Variants in CATSPERB observed in about 807,000 individuals in gnomAD.
The protein encoded by CATSPERB is cation channel sperm-associated auxiliary subunit beta.
A neutral mutation model predicts 128.3 loss-of-function variants in CATSPERB; 93 were observed. The ratio of observed to expected loss-of-function variants is 0.72; its 90% CI spans 0.61 to 0.86. CATSPERB has a LOEUF of 0.86. Among genes scored for constraint, CATSPERB ranks in the 40% least tolerant of loss-of-function variants. The pLI is 0.00. For synonymous variants in CATSPERB, 381 were observed against 448.8 expected, an observed-to-expected ratio of 0.85 and a Z score of 1.91; for missense variants, 1,153 against 1,329.5, an observed-to-expected ratio of 0.87 and a Z score of 2.06.
chr14:91,597,043 C>G (rs1055073614), intron 22 of CATSPERB, among the ~76,000 whole-genome samples: 1 of 150,852 alleles, frequency 6.6e-6, no homozygotes, highest in Non-Finnish European at 1.5e-5. Flanking sequence ...CCCACCACCA[C>G]GCCCAGCTAA....
chr14:91,725,229 C>T, intron 2 of CATSPERB, 61 bp from the exon 3 acceptor site: 1 of 678,442 alleles, frequency 1.5e-6, no homozygotes, highest in Non-Finnish European at 2.2e-6. Flanking sequence ...ATAAAAAGTA[C>T]CATGTTTCTA....
chr14:91,621,533 A>C, intron 19 of CATSPERB, 75 bp downstream of exon 19: 2 of 1,195,798 alleles, frequency 1.7e-6, no homozygotes, highest in Non-Finnish European at 2.4e-6. Context: ...GTCAGTCAGT[A>C]TCAAAGAGTA....
chr14:91,639,002 G>C, intron 16 of CATSPERB, 94 bp downstream of exon 16: 1 of 1,160,706 alleles, frequency 8.6e-7, no homozygotes, highest in Admixed American at 2.2e-5. Flanking sequence ...TTGTCCCAAG[G>C]AAAATACTTT....
At chr14:91,705,903 T>C (rs1895724745) in intron 6 of CATSPERB, among the ~76,000 whole-genome samples, 1 of 152,168 alleles carries the variant, frequency 6.6e-6, no homozygotes, top group Non-Finnish European at 1.5e-5. Context: ...GGATTGGAGC[T>C]AAAGTCGAAT....
At chr14:91,582,388 C>G (rs1893220531) in intron 26 of CATSPERB, among the ~76,000 whole-genome samples, 2 of 152,170 alleles carry the variant, frequency 1.3e-5, no homozygotes, top group African/African-American at 4.8e-5. Flanking sequence ...TGGATTTGAG[C>G]TATTCAAAAA....
chr14:91,627,846 C>T (rs1039681644), intron 17 of CATSPERB, among the ~76,000 whole-genome samples: 5 of 151,834 alleles, frequency 3.3e-5, no homozygotes, highest in African/African-American at 4.8e-5. Context: ...GGTGTGGTGG[C>T]ACATGCCTGT....
In CATSPERB at chr14:91,617,612, G is replaced by T; in HGVS notation, c.2385C>A (p.Ser795Arg). 1 of 1,579,940 alleles carries T rather than the reference G, an allele frequency of 6.3e-7. No homozygotes were observed. Among genetic ancestry groups the T allele is most frequent in the Non-Finnish European group, 8.5e-7 (1 of 1,170,812 alleles). ...DSYVITISAA[S>R]KVLHQGSTSL... ...AAAATCCTACCTGATGTAAAACTTTGCTAGCTGCAGAAATTGTTATTACAT... is the reference window on the plus strand; with the variant it reads ...AAAATCCTACCTGATGTAAAACTTTTCTAGCTGCAGAAATTGTTATTACAT... The change falls in exon 20 of 27, where the codon AGC becomes AGA. Residue 795 changes from serine (S) to arginine (R), a missense_variant. Transcript: ENST00000256343.
chr14:91,722,409 C>T (rs111476766), intron 4 of CATSPERB, among the ~76,000 whole-genome samples: 13 of 152,246 alleles, frequency 8.5e-5, no homozygotes, highest in African/African-American at 3.1e-4. Flanking sequence ...ATGAACACTA[C>T]ATATATATGT....
intron 20 of CATSPERB, among the ~76,000 whole-genome samples, chr14:91,612,283 T>G (rs902665000): frequency 1.3e-5 from 2 of 152,128 alleles, no homozygotes; most frequent in African/African-American, 4.8e-5. Context: ...TATTATTAAC[T>G]ATATTCACCA....
At chr14:91,730,475 C>T (rs957842237) in intron 1 of CATSPERB, among the ~76,000 whole-genome samples, 3 of 152,150 alleles carry the variant, frequency 2.0e-5, no homozygotes, top group Non-Finnish European at 4.4e-5. Context: ...TTAAGCCACC[C>T]AGTGTATGGG....
At chr14:91,610,291 T>C (rs12587346) in intron 21 of CATSPERB, among the ~76,000 whole-genome samples, 189 bp downstream of exon 21, 27,149 of 152,012 alleles carry the variant, frequency 0.18, 2,609 homozygotes, top group East Asian at 0.41. Flanking sequence ...CCAGGAAAAA[T>C]AATTATTTCA....
At chr14:91,661,260 A>G (rs1004861215) in intron 14 of CATSPERB, among the ~76,000 whole-genome samples, 2 of 152,024 alleles carry the variant, frequency 1.3e-5, no homozygotes, top group Non-Finnish European at 2.9e-5. Context: ...TCACGCAACA[A>G]TGTATCTCAG....
chr14:91,647,243 G>A (rs1291888490), intron 15 of CATSPERB, among the ~76,000 whole-genome samples: 3 of 152,170 alleles, frequency 2.0e-5, no homozygotes, highest in Non-Finnish European at 2.9e-5. Flanking sequence ...ATATGTGTGA[G>A]TGTGTATGGA....
chr14:91,691,476 TA>T, intron 10 of CATSPERB, 46 bp downstream of exon 10: 1 of 1,407,378 alleles, frequency 7.1e-7, no homozygotes, highest in Non-Finnish European at 9.6e-7. Context: ...AGTTACCAAG[TA>T]AACACATATC....
intron 12 of CATSPERB, 118 bp downstream of exon 12, chr14:91,674,058 A>C: frequency 1.6e-6 from 1 of 626,756 alleles, no homozygotes; most frequent in East Asian, 2.9e-5. Flanking sequence ...CTGGGAGCAA[A>C]GAGTGATTGT....
At chr14:91,680,661 A>G (rs1421402837) in intron 11 of CATSPERB, among the ~76,000 whole-genome samples, 2 of 151,832 alleles carry the variant, frequency 1.3e-5, no homozygotes, top group Admixed American at 1.3e-4. Context: ...ACTGGAGGGC[A>G]TGACAGACCT....
At chr14:91,688,694 G>A (rs1301707219) in intron 10 of CATSPERB, among the ~76,000 whole-genome samples, 1 of 151,834 alleles carries the variant, frequency 6.6e-6, no homozygotes, top group Non-Finnish European at 1.5e-5. Flanking sequence ...TTTAAACAGT[G>A]GCCATTCTAT....
Position 91,581,122 on chromosome 14 carries a change from G to C in CATSPERB, c.3133-15C>G, listed in dbSNP as rs545453147. 1.1e-4 allele frequency: 171 copies of C among 1,603,378 alleles called. 1 individual carries two copies. The South Asian group carries it at 1.8e-3, about 17-fold the overall frequency. ...TCAACATAAATCTGCAACAGAAAAA[G>C]CAAAGTCTTTAAGCTTTCTGAATTT... is the stretch of plus-strand genomic sequence containing the variant. On this transcript the variant is annotated splice_polypyrimidine_tract_variant and intron_variant, in intron 26 of 26. Transcript: ENST00000256343.
At chr14:91,581,182 A>G (rs575288735) in intron 26 of CATSPERB, 75 bp from the exon 27 acceptor site, 2 of 1,218,512 alleles carry the variant, frequency 1.6e-6, no homozygotes, top group Non-Finnish European at 2.3e-6. Context: ...AATGTTCCCC[A>G]CAATTAATCG....
Sources: gnomAD v4.1 joint callset for allele counts (sites outside exome capture counted in the v4.1 genomes callset) on GRCh38, gnomAD v4.1.1 for gene constraint, MANE v1.5 for transcripts, NCBI Gene and HGNC (gene_info 2026-07-23, HGNC 2026-07-21) for gene names.